ARHGAP32: variants seen among roughly 807,000 people sequenced by gnomAD.
The protein encoded by ARHGAP32 is rho GTPase-activating protein 32.
A neutral mutation model predicts 186.5 loss-of-function variants in ARHGAP32; 51 were observed. The observed-to-expected ratio is 0.27, with a 90% CI of 0.22 to 0.35. The LOEUF (loss-of-function observed/expected upper bound fraction) is 0.35. ARHGAP32 is among the 10% of genes least tolerant of loss of function. The pLI is 1.00. For synonymous variants in ARHGAP32, 950 were observed against 964.3 expected, an observed-to-expected ratio of 0.99 and a Z score of 0.27; for missense variants, 2,186 against 2,623.5, an observed-to-expected ratio of 0.83 and a Z score of 3.64.
At chr11:129,161,967 TA>T (rs1297178925) in intron 2 of ARHGAP32, among the ~76,000 whole-genome samples, 9 of 152,158 alleles carry the variant, frequency 5.9e-5, no homozygotes, top group East Asian at 3.9e-4. Flanking sequence ...TATGCAGCCA[TA>T]AAAAAAGATG....
intron 1 of ARHGAP32, among the ~76,000 whole-genome samples, chr11:129,208,101 T>C (rs1591697427): frequency 6.6e-6 from 1 of 152,240 alleles, no homozygotes; most frequent in East Asian, 1.9e-4. Flanking sequence ...AAAAGAATAA[T>C]ATAAAAGCTA....
chr11:129,241,422 C>T (rs1433403188), intron 1 of ARHGAP32, among the ~76,000 whole-genome samples: 1 of 152,134 alleles, frequency 6.6e-6, no homozygotes, highest in Admixed American at 6.5e-5. Context: ...GTGGGAGAAT[C>T]ACTCGAGCCC....
intron 1 of ARHGAP32, among the ~76,000 whole-genome samples, chr11:129,227,080 G>A (rs1351862172): frequency 6.6e-6 from 1 of 152,032 alleles, no homozygotes; most frequent in Non-Finnish European, 1.5e-5. Flanking sequence ...GGTACATGAT[G>A]TATAAAGAAT....
chr11:129,276,920 C>G (rs765881179), intron 1 of ARHGAP32, among the ~76,000 whole-genome samples: 13 of 152,232 alleles, frequency 8.5e-5, no homozygotes, highest in Non-Finnish European at 1.6e-4. Context: ...AACCTAACTT[C>G]AAGTCCTTGC....
intron 17 of ARHGAP32, among the ~76,000 whole-genome samples, chr11:128,981,036 CAT>C: frequency 6.6e-6 from 1 of 152,278 alleles, no homozygotes; most frequent in South Asian, 2.1e-4. Flanking sequence ...CAGTGGCACA[CAT>C]ACACACATAT....
rs947022815 is a variant in ARHGAP32 at position 129,066,766 on chromosome 11, G to T, written c.634C>A (p.Leu212Ile). 2.5e-6 allele frequency: 4 copies of T among 1,612,328 alleles called. No homozygotes were observed. The highest frequency in any genetic ancestry group is 4.5e-5 in the East Asian group (2 of 44,848). The change falls in exon 7 of 23, where the codon CTT becomes ATT. Residue 212 changes from leucine to isoleucine, a missense_variant. Around this residue, in one of 5 missense-constraint regions of ARHGAP32, gnomAD observed 308 missense variants for 596.5 expected, o/e 0.52. Coordinates refer to ENST00000682385, the MANE Select transcript of ARHGAP32 (RefSeq NM_001378024.1). ...TCCTTCAGGGTGTCAGAACGGGGAA[G>T]TTCTGAGAGCTGGGAAAATCTTCGG... is the stretch of plus-strand genomic sequence containing the variant. The part of the protein sequence containing the change: ...YDRRFSQLSE[L>I]PRSDTLKDSP...
chr11:129,012,876 C>A (rs1299558560), intron 11 of ARHGAP32, among the ~76,000 whole-genome samples: 3 of 152,142 alleles, frequency 2.0e-5, no homozygotes, highest in African/African-American at 2.4e-5. Context: ...TATATACTGA[C>A]CAATAAACAT....
chr11:129,276,296 T>TTTGTTGTTG (rs35948166), intron 1 of ARHGAP32, among the ~76,000 whole-genome samples: 2 of 151,702 alleles, frequency 1.3e-5, no homozygotes, highest in Non-Finnish European at 1.5e-5. Context: ...CTTATCTGTT[T>TTTGTTGTTG]TTGTTGTTGT....
intron 1 of ARHGAP32, among the ~76,000 whole-genome samples, chr11:129,243,510 A>G (rs913823395): frequency 6.6e-6 from 1 of 152,186 alleles, no homozygotes; most frequent in African/African-American, 2.4e-5. Context: ...CCCAGCTCCT[A>G]TCTCTCCTAC....
chr11:128,979,961 A>C (rs1945661108), intron 18 of ARHGAP32, among the ~76,000 whole-genome samples: 1 of 152,236 alleles, frequency 6.6e-6, no homozygotes, highest in South Asian at 2.1e-4. Flanking sequence ...GTGGTTCTCA[A>C]GTCCTAGCAG....
chr11:129,065,803 C>A lies in ARHGAP32; in HGVS notation c.670-870G>T, dbSNP rs548538407. Among the ~76,000 whole-genome samples the A allele has an allele frequency of 1.8e-4, 28 of 152,182 alleles. 1 individual carries two copies. The South Asian group carries it at 5.6e-3, about 30-fold the overall frequency. On this transcript the variant is annotated intron_variant, in intron 7 of 22. Coordinates refer to ENST00000682385, the MANE Select transcript of ARHGAP32 (RefSeq NM_001378024.1). ...CTCCTGTAACTCCCATCAGTAGAAA[C>A]CTCTCTGGACCTATTCTCCATGACT...
chr11:129,279,074 C>G (rs1452605349), intron 1 of ARHGAP32: 4 of 147,050 alleles, frequency 2.7e-5, no homozygotes, highest in Admixed American at 2.7e-4. Context: ...GAAAGAGAGG[C>G]CCCCCGCAGC....
Position 129,044,405 on chromosome 11 carries a change from ATTT to A in ARHGAP32, c.964-3399_964-3397del, listed in dbSNP as rs577662474. Reference sequence around the variant, plus strand: ...ACCCATTTATGGCAGAGGTTGCAAAATTTTTTTGTGAAAAATCAGAACTTGGCG... The same window carrying A: ...ACCCATTTATGGCAGAGGTTGCAAAATTTTGTGAAAAATCAGAACTTGGCG... On this transcript the variant is annotated intron_variant, in intron 10 of 22. Transcript: ENST00000682385. 1.4e-3 allele frequency among the ~76,000 whole-genome samples: 212 copies of A among 152,244 alleles called. 1 individual carries two copies. The highest frequency in any genetic ancestry group is 0.012 in the Admixed American group (189 of 15,284).
intron 1 of ARHGAP32, among the ~76,000 whole-genome samples, chr11:129,261,668 CAG>C (rs1476599066): frequency 1.3e-5 from 2 of 152,142 alleles, no homozygotes; most frequent in African/African-American, 4.8e-5. Context: ...AGGAATTCAC[CAG>C]AGTTTTCAGG....
intron 6 of ARHGAP32, among the ~76,000 whole-genome samples, chr11:129,092,407 T>C (rs1253119741): frequency 1.3e-5 from 2 of 151,960 alleles, no homozygotes; most frequent in Non-Finnish European, 2.9e-5. Flanking sequence ...AAAAAAGATA[T>C]GATTTTCATC....
At chr11:129,198,469 G>A (rs1404805954) in intron 1 of ARHGAP32, among the ~76,000 whole-genome samples, 1 of 152,158 alleles carries the variant, frequency 6.6e-6, no homozygotes, top group Admixed American at 6.5e-5. Flanking sequence ...AATCATGGGG[G>A]TGGTTTCTCT....
At chr11:129,193,580 ATTATATAATATATG>A (rs1944323925), upstream of ARHGAP32, among the ~76,000 whole-genome samples, 6 of 59,014 alleles carry the variant, frequency 1.0e-4, no homozygotes, top group Non-Finnish European at 1.8e-4. Context: ...ATATATATAT[ATTATATAATATATG>A]TTATATATAA....
At chr11:129,218,449 C>T (rs1944671928) in intron 1 of ARHGAP32, among the ~76,000 whole-genome samples, 1 of 1,724 alleles carries the variant, frequency 5.8e-4, no homozygotes, top group Non-Finnish European at 1.0e-3. Flanking sequence ...TGCAGCTAAT[C>T]TCACACACAC....
At chr11:129,060,382 T>TAGATA (rs756196427) in intron 10 of ARHGAP32, among the ~76,000 whole-genome samples, 87 of 143,886 alleles carry the variant, frequency 6.0e-4, no homozygotes, top group African/African-American at 1.0e-3. Context: ...GATAGATAGA[T>TAGATA]AAGATAGACA....
Sources: allele counts gnomAD v4.1 joint callset (sites outside exome capture counted in the v4.1 genomes callset), GRCh38; gene constraint gnomAD v4.1.1; regional missense constraint gnomAD v4.1.1; transcripts MANE v1.5; gene names NCBI Gene and HGNC (gene_info 2026-07-23, HGNC 2026-07-21).